The following ZFPM2 variants were observed in gnomAD, a reference collection of about 807,000 sequenced individuals.
ZFPM2 encodes the protein zinc finger protein ZFPM2.
In ZFPM2, 20 loss-of-function variants were observed where a neutral mutation model predicts 98.6. The ratio of observed to expected loss-of-function variants is 0.20; its 90% CI spans 0.14 to 0.29. The LOEUF (loss-of-function observed/expected upper bound fraction) is 0.29, where lower values mean the gene tolerates loss of function less well. ZFPM2 is among the 10% of genes least tolerant of loss of function. The pLI is 1.00. For missense variants in ZFPM2, 1,310 were observed against 1,388.6 expected, an observed-to-expected ratio of 0.94 and a Z score of 0.90; for synonymous variants, 518 against 502.7, an observed-to-expected ratio of 1.03 and a Z score of -0.41.
At chr8:105,604,081 A>G (rs1456587458) in intron 4 of ZFPM2, among the ~76,000 whole-genome samples, 1 of 152,012 alleles carries the variant, frequency 6.6e-6, no homozygotes, top group Non-Finnish European at 1.5e-5. Context: ...CCTACTTGAC[A>G]TCACTGTATC....
intron 3 of ZFPM2, among the ~76,000 whole-genome samples, chr8:105,492,736 C>T (rs1177842931): frequency 3.3e-5 from 5 of 152,110 alleles, no homozygotes; most frequent in African/African-American, 9.7e-5. Flanking sequence ...TATAAATCCT[C>T]ATCGAACAAT....
At chr8:105,366,822 T>C (rs1181013380) in intron 1 of ZFPM2, among the ~76,000 whole-genome samples, 1 of 151,816 alleles carries the variant, frequency 6.6e-6, no homozygotes, top group Non-Finnish European at 1.5e-5. Context: ...TGAATGGTAA[T>C]GCCTAGGTTT....
intron 3 of ZFPM2, among the ~76,000 whole-genome samples, chr8:105,509,854 A>T (rs537365442): frequency 6.6e-6 from 1 of 152,356 alleles, no homozygotes; most frequent in South Asian, 2.1e-4. Flanking sequence ...ATTTTGTGGT[A>T]AATTTTTATG....
intron 4 of ZFPM2, among the ~76,000 whole-genome samples, chr8:105,599,125 A>G (rs1261475795): frequency 6.6e-6 from 1 of 152,038 alleles, no homozygotes; most frequent in Non-Finnish European, 1.5e-5. Flanking sequence ...AACTGAACCT[A>G]AGAAAAAAAT....
chr8:105,643,831 C>A (rs760512611), intron 5 of ZFPM2, among the ~76,000 whole-genome samples: 44 of 152,150 alleles, frequency 2.9e-4, no homozygotes, highest in Non-Finnish European at 5.7e-4. Flanking sequence ...AGTGGTAGCA[C>A]ACGTAATGCT....
intron 4 of ZFPM2, among the ~76,000 whole-genome samples, chr8:105,582,186 A>G (rs1473893027): frequency 1.3e-5 from 2 of 152,212 alleles, no homozygotes; most frequent in Admixed American, 1.3e-4. Flanking sequence ...ATCCACCCGG[A>G]TATATTAGCT....
intron 1 of ZFPM2, among the ~76,000 whole-genome samples, chr8:105,330,567 T>TATACATATATATATATATAC (rs1438278015): frequency 1.4e-5 from 1 of 71,970 alleles, no homozygotes; most frequent in South Asian, 3.8e-4. Context: ...TATATATATA[T>TATACATATATATATATATAC]ACATATATAT....
At chr8:105,546,536 T>G (rs1029629550) in intron 3 of ZFPM2, among the ~76,000 whole-genome samples, 2 of 137,746 alleles carry the variant, frequency 1.5e-5, no homozygotes, top group African/African-American at 5.6e-5. Flanking sequence ...ACCATTGCAC[T>G]CCAGCCTGGA....
At chr8:105,535,470 A>G (rs1814431402) in intron 3 of ZFPM2, among the ~76,000 whole-genome samples, 1 of 152,194 alleles carries the variant, frequency 6.6e-6, no homozygotes, top group African/African-American at 2.4e-5. Context: ...TATAATAAAC[A>G]GGATTTCAAC....
intron 3 of ZFPM2, among the ~76,000 whole-genome samples, chr8:105,501,918 T>A (rs1312160792): frequency 6.6e-6 from 1 of 152,284 alleles, no homozygotes; most frequent in Non-Finnish European, 1.5e-5. Context: ...ACACAATGTT[T>A]TAATTCAACA....
chr8:105,501,227 G>T (rs1813588866), intron 3 of ZFPM2, among the ~76,000 whole-genome samples: 1 of 149,436 alleles, frequency 6.7e-6, no homozygotes, highest in African/African-American at 2.5e-5. Context: ...CTGTCGCCCA[G>T]GTTGCAGTGC....
chr8:105,620,443 G>T (rs1365375785), intron 4 of ZFPM2, among the ~76,000 whole-genome samples: 2 of 152,184 alleles, frequency 1.3e-5, no homozygotes, highest in African/African-American at 4.8e-5. Context: ...CCCTTTGTCA[G>T]TTGGGCAGAT....
intron 3 of ZFPM2, among the ~76,000 whole-genome samples, chr8:105,477,012 C>G (rs1813025308): frequency 6.6e-6 from 1 of 152,040 alleles, no homozygotes; most frequent in Non-Finnish European, 1.5e-5. Flanking sequence ...TATTTGTTGT[C>G]ACAGCTATGC....
At chr8:105,758,564 G>C (rs1432680110) in intron 5 of ZFPM2, among the ~76,000 whole-genome samples, 1 of 152,058 alleles carries the variant, frequency 6.6e-6, no homozygotes, top group African/African-American at 2.4e-5. Context: ...TCAATGGACT[G>C]TATGCTTTTG....
intron 3 of ZFPM2, among the ~76,000 whole-genome samples, chr8:105,493,478 T>C (rs1813396487): frequency 6.6e-6 from 1 of 152,214 alleles, no homozygotes; most frequent in South Asian, 2.1e-4. Flanking sequence ...TACCGCATGC[T>C]ATACAACACA....
chr8:105,728,211 A>G (rs1811858214), intron 5 of ZFPM2, among the ~76,000 whole-genome samples: 2 of 151,672 alleles, frequency 1.3e-5, no homozygotes, highest in South Asian at 4.1e-4. Context: ...TTGAGTAAAA[A>G]TATAGACCCT....
chr8:105,671,508 TTTTC>T (rs1298609568), intron 5 of ZFPM2, among the ~76,000 whole-genome samples: 2 of 150,946 alleles, frequency 1.3e-5, no homozygotes. Flanking sequence ...GAATTTTTAA[TTTTC>T]TTTACTGAAA....
At chr8:105,755,118 G>A (rs1812569121) in intron 5 of ZFPM2, among the ~76,000 whole-genome samples, 1 of 152,082 alleles carries the variant, frequency 6.6e-6, no homozygotes, top group Non-Finnish European at 1.5e-5. Context: ...AACCTTTATT[G>A]TTCTGAAAAT....
At chr8:105,592,372 C>A (rs1475445468) in intron 4 of ZFPM2, among the ~76,000 whole-genome samples, 1 of 152,020 alleles carries the variant, frequency 6.6e-6, no homozygotes, top group African/African-American at 2.4e-5. Flanking sequence ...TGAAGGGTGG[C>A]CAAATTGGCA....
Sources: gnomAD v4.1 joint callset for allele counts (sites outside exome capture counted in the v4.1 genomes callset) on GRCh38, gnomAD v4.1.1 for gene constraint, MANE v1.5 for transcripts, NCBI Gene and HGNC (gene_info 2026-07-23, HGNC 2026-07-21) for gene names.